Variants in CLCN5 observed in about 807,000 individuals in gnomAD.
The protein encoded by CLCN5 is Cl-/H+ antiporter 5, also known as H(+)/Cl(-) exchange transporter 5.
In CLCN5, 17 loss-of-function variants were observed where a neutral mutation model predicts 54.0. The observed-to-expected ratio is 0.31, with a 90% CI of 0.22 to 0.47. The LOEUF (loss-of-function observed/expected upper bound fraction) is 0.47, where lower values mean the gene tolerates loss of function less well. CLCN5 is among the 20% of genes least tolerant of loss of function. CLCN5 has a pLI of 1.00. For synonymous variants in CLCN5, 222 were observed against 233.0 expected, an observed-to-expected ratio of 0.95 and a Z score of 0.43; for missense variants, 448 against 646.7, an observed-to-expected ratio of 0.69 and a Z score of 3.33.
At chrX:49,951,598 A>G (rs922560911) in intron 3 of CLCN5, among the ~76,000 whole-genome samples, 1 of 112,302 alleles carries the variant, frequency 8.9e-6, no homozygotes, top group Non-Finnish European at 1.9e-5. Context: ...ATGGAGTGGT[A>G]GAAACAAAGG....
At chrX:50,042,750 T>C (rs969580458) in intron 4 of CLCN5, among the ~76,000 whole-genome samples, 4 of 111,604 alleles carry the variant, frequency 3.6e-5, no homozygotes, top group Admixed American at 1.9e-4. Context: ...GTCATGTACA[T>C]GGAATCACAT....
intron 2 of CLCN5, among the ~76,000 whole-genome samples, chrX:49,924,458 A>T (rs1557167692): frequency 8.9e-6 from 1 of 112,010 alleles, no homozygotes; most frequent in Non-Finnish European, 1.9e-5. Context: ...CCCGGCCCCT[A>T]ACTCCTTTAA....
chrX:49,960,177 C>T (rs1172263129), intron 3 of CLCN5, among the ~76,000 whole-genome samples: 1 of 110,660 alleles, frequency 9.0e-6, no homozygotes, highest in Non-Finnish European at 1.9e-5. Flanking sequence ...ATATTAATTC[C>T]CACAGTATCC....
At chrX:49,991,597 T>C (rs1410187879) in intron 3 of CLCN5, among the ~76,000 whole-genome samples, 2 of 112,310 alleles carry the variant, frequency 1.8e-5, no homozygotes, top group Non-Finnish European at 1.9e-5. Flanking sequence ...CATTTGCTTT[T>C]GGGTTCTTGG....
intron 3 of CLCN5, among the ~76,000 whole-genome samples, chrX:50,019,456 C>CTT (rs1424021181): frequency 3.7e-4 from 24 of 64,419 alleles, no homozygotes; most frequent in African/African-American, 1.4e-3. Flanking sequence ...TTCATGCTTA[C>CTT]TTTTTTTTTT....
intron 3 of CLCN5, among the ~76,000 whole-genome samples, chrX:50,005,727 T>G (rs781846445): frequency 6.3e-5 from 7 of 111,914 alleles, no homozygotes; most frequent in Non-Finnish European, 1.9e-5. Context: ...TCAGTCCTTT[T>G]GACATGCCTC....
chrX:50,055,159 A>G (rs1282727550), intron 4 of CLCN5, among the ~76,000 whole-genome samples: 2 of 111,999 alleles, frequency 1.8e-5, no homozygotes, highest in South Asian at 3.8e-4. Context: ...TCAGTTAGCT[A>G]TGCAATCAAA....
At chrX:50,039,618 G>A (rs1932136267) in intron 3 of CLCN5, among the ~76,000 whole-genome samples, 1 of 112,212 alleles carries the variant, frequency 8.9e-6, no homozygotes, top group African/African-American at 3.2e-5. Flanking sequence ...CTATGAGCCA[G>A]CATGTGCCCG....
chrX:49,944,557 T>C (rs1185515525), intron 3 of CLCN5, among the ~76,000 whole-genome samples: 1 of 111,924 alleles, frequency 8.9e-6, no homozygotes, highest in Non-Finnish European at 1.9e-5. Context: ...TAAATAGCTC[T>C]TATTATTTTG....
At chrX:49,943,811 T>C (rs1557171461) in intron 3 of CLCN5, among the ~76,000 whole-genome samples, 1 of 111,741 alleles carries the variant, frequency 8.9e-6, no homozygotes, top group Non-Finnish European at 1.9e-5. Flanking sequence ...TGTAGCCTTG[T>C]AGTATAGTTT....
At chrX:50,087,070 A>G (rs1275280082) in intron 11 of CLCN5, among the ~76,000 whole-genome samples, 200 bp downstream of exon 11, 1 of 110,755 alleles carries the variant, frequency 9.0e-6, no homozygotes, top group Non-Finnish European at 1.9e-5. Context: ...CAAATTGTCC[A>G]AGCCTTGAGT....
intron 7 of CLCN5, 107 bp downstream of exon 7, chrX:50,076,089 C>T (rs1933393877): frequency 1.3e-6 from 1 of 767,858 alleles, no homozygotes; most frequent in Admixed American, 2.6e-5. Context: ...ATTTTCCTTT[C>T]CACAGAAAGG....
At chrX:50,057,102 C>T (rs1429336186) in intron 4 of CLCN5, among the ~76,000 whole-genome samples, 1 of 110,749 alleles carries the variant, frequency 9.0e-6, no homozygotes, top group Non-Finnish European at 1.9e-5. Flanking sequence ...GCAGGCACTG[C>T]CCAGTGATAT....
chrX:49,973,660 T>C (rs782305252), intron 3 of CLCN5, among the ~76,000 whole-genome samples: 3 of 103,248 alleles, frequency 2.9e-5, no homozygotes, highest in East Asian at 3.0e-4. Context: ...CTCAACTTAC[T>C]TTTTTTTTTT....
rs1265740400 is a variant in CLCN5, at chrX:50,081,236, T to A, written c.727-405T>A. The stretch of plus-strand genomic sequence containing the variant: ...AATAAGTCACAATTTTTTTTTTTTT[T>A]AAGCCAGGGAATCAAGACTATACCT... On this transcript the variant is annotated intron_variant, in intron 8 of 14. Coordinates refer to ENST00000376091, the MANE Select transcript of CLCN5 (RefSeq NM_001127898.4). Among the ~76,000 whole-genome samples the A allele has an allele frequency of 2.7e-5, 3 of 110,357 alleles. No homozygotes were observed. In the East Asian group the frequency reaches 8.6e-4, roughly 32 times the overall value.
intron 4 of CLCN5, 110 bp from the exon 5 acceptor site, chrX:50,069,769 C>A: frequency 9.2e-7 from 1 of 1,081,364 alleles, no homozygotes; most frequent in Non-Finnish European, 1.2e-6. Context: ...TTATCAACCC[C>A]AACTGTAGTC....
At chrX:49,979,307 T>C (rs782347914) in intron 3 of CLCN5, among the ~76,000 whole-genome samples, 33 of 111,651 alleles carry the variant, frequency 3.0e-4, no homozygotes, top group Admixed American at 2.6e-3. Context: ...ATGACACACA[T>C]TGATCATTTT....
intron 3 of CLCN5, among the ~76,000 whole-genome samples, chrX:49,950,581 A>G (rs782332304): frequency 5.4e-5 from 6 of 112,000 alleles, no homozygotes; most frequent in Non-Finnish European, 1.1e-4. Context: ...CCTGGTATGA[A>G]TTGAGATATA....
At chrX:50,017,154 T>A (rs1930829633) in intron 3 of CLCN5, among the ~76,000 whole-genome samples, 1 of 111,622 alleles carries the variant, frequency 9.0e-6, no homozygotes, top group Non-Finnish European at 1.9e-5. Context: ...CCAGGAAGTG[T>A]TGCTGGATCA....
Sources: allele counts gnomAD v4.1 joint callset (sites outside exome capture counted in the v4.1 genomes callset), GRCh38; gene constraint gnomAD v4.1.1; transcripts MANE v1.5; gene names NCBI Gene and HGNC (gene_info 2026-07-23, HGNC 2026-07-21).